LRRD1: variants seen among roughly 807,000 people sequenced by gnomAD.
The protein encoded by LRRD1 is leucine-rich repeat and death domain-containing protein 1.
LRRD1 carries 49 observed loss-of-function variants against 69.5 expected under a neutral mutation model. The ratio of observed to expected loss-of-function variants is 0.70; its 90% CI spans 0.56 to 0.89. The LOEUF is 0.89. LRRD1 is among the 40% of genes least tolerant of loss of function. The probability of loss-of-function intolerance (pLI) is 0.00; values close to 1 mark genes in which losing one functional copy is unlikely to be tolerated. For synonymous variants in LRRD1, 303 were observed against 338.9 expected, an observed-to-expected ratio of 0.89 and a Z score of 1.16; for missense variants, 853 against 956.0, an observed-to-expected ratio of 0.89 and a Z score of 1.42.
At chr7:92,169,070 C>T (rs1788989782) in intron 1 of LRRD1, among the ~76,000 whole-genome samples, 2 of 152,188 alleles carry the variant, frequency 1.3e-5, no homozygotes, top group South Asian at 4.1e-4. Context: ...AGGCATGCAC[C>T]ACCATATCTA....
At chr7:92,163,157 C>T in intron 2 of LRRD1, 129 bp downstream of exon 2, 1 of 532,404 alleles carries the variant, frequency 1.9e-6, no homozygotes, top group Non-Finnish European at 3.0e-6. Context: ...GGAGGGCTTT[C>T]ATTTAAAAAA....
intron 3 of LRRD1, among the ~76,000 whole-genome samples, chr7:92,158,630 GGTA>G (rs746924644): frequency 8.5e-4 from 130 of 152,100 alleles, no homozygotes; most frequent in Non-Finnish European, 1.3e-3. Context: ...AGTATTATAG[GGTA>G]TAGGAGAAGT....
chr7:92,158,912 C>G, intron 3 of LRRD1, 93 bp downstream of exon 3: 1 of 970,906 alleles, frequency 1.0e-6, no homozygotes, highest in African/African-American at 1.7e-5. Context: ...TATGTTGACT[C>G]TTTGCCATTC....
At chr7:92,143,515 C>A (rs947946760), downstream of LRRD1, among the ~76,000 whole-genome samples, 2 of 152,148 alleles carry the variant, frequency 1.3e-5, no homozygotes, top group South Asian at 4.1e-4. Flanking sequence ...CCCTGCCCCG[C>A]GGGAAGGCAG....
intron 1 of LRRD1, among the ~76,000 whole-genome samples, chr7:92,168,866 C>G (rs1210444898): frequency 6.6e-6 from 1 of 152,080 alleles, no homozygotes; most frequent in Non-Finnish European, 1.5e-5. Flanking sequence ...GTGGATGACC[C>G]CAACAAGATG....
At chr7:92,159,620 C>CTTT (rs1183950471) in intron 2 of LRRD1, among the ~76,000 whole-genome samples, 2 of 112,168 alleles carry the variant, frequency 1.8e-5, no homozygotes, top group Non-Finnish European at 3.7e-5. Context: ...ATCAACATTG[C>CTTT]TTTTTTTTTT....
chr7:92,163,323 A>G lies in LRRD1; in HGVS notation c.1880T>C (p.Leu627Pro), dbSNP rs1788827291. ...FPIELCQLQS[L>P]EQLNISQIKG... The stretch of plus-strand genomic sequence containing the variant: ...TATCTGACTTATATTCAGCTGTTCC[A>G]GTGATTGAAGTTGGCACAGTTCAAT... Residue 627 changes from leucine to proline, a missense_variant, in exon 2 of 6, where the codon CTG becomes CCG. By Grantham distance (98) the Leu-to-Pro change is moderately conservative. Coordinates refer to ENST00000458448, the MANE Select transcript of LRRD1 (RefSeq NM_001161528.2). The G allele has an allele frequency of 6.6e-7, 1 of 1,515,192 alleles. No individual in the cohort carries two copies. The highest frequency in any genetic ancestry group is 8.8e-7 in the Non-Finnish European group (1 of 1,133,826). The allele number at this position is 1,515,192 out of a possible 1,614,324, so 93.9% of individuals were successfully genotyped here. A position where few individuals can be genotyped will look rare whatever the true frequency, so the allele number is the denominator to read the frequency against.
chr7:92,163,525 C>T lies in LRRD1; in HGVS notation c.1678G>A (p.Val560Ile), dbSNP rs755680567. Residue 560 changes from valine to isoleucine, a missense_variant, in exon 2 of 6, where the codon GTA becomes ATA. Physicochemically the swap from Val to Ile is conservative, Grantham distance 29. This residue lies in a region of LRRD1 where 739 missense variants were observed against 808.0 expected (regional missense o/e 0.91). Coordinates refer to ENST00000458448, the MANE Select transcript of LRRD1 (RefSeq NM_001161528.2). ...ASISNMISLH[V>I]LILCCNKFET... ...AATTTATTACAGCATAAAATAAGTACGTGGAGTGATATCATATTAGAAATT... is the reference window on the plus strand; with the variant it reads ...AATTTATTACAGCATAAAATAAGTATGTGGAGTGATATCATATTAGAAATT... The T allele has an allele frequency of 6.3e-5, 96 of 1,528,390 alleles. No homozygotes were observed. The highest frequency in any genetic ancestry group is 7.3e-5 in the Non-Finnish European group (83 of 1,138,644). 94.7% of individuals were successfully genotyped at this position (1,528,390 alleles called of 1,614,324 possible).
At chr7:92,157,483 G>A (rs927260990) in intron 3 of LRRD1, among the ~76,000 whole-genome samples, 7 of 152,066 alleles carry the variant, frequency 4.6e-5, no homozygotes, top group Non-Finnish European at 1.0e-4. Flanking sequence ...AGAATGAACT[G>A]AGACATGTTG....
At chr7:92,165,510 A>T (rs546852794) in intron 1 of LRRD1, among the ~76,000 whole-genome samples, 4 of 152,192 alleles carry the variant, frequency 2.6e-5, no homozygotes, top group Non-Finnish European at 5.9e-5. Context: ...AAAAAAGTTC[A>T]AAGAAAATTA....
At chr7:92,175,426 T>A (rs1362280085) in intron 1 of LRRD1, among the ~76,000 whole-genome samples, 1 of 152,116 alleles carries the variant, frequency 6.6e-6, no homozygotes, top group Non-Finnish European at 1.5e-5. Context: ...GGCAGTTGGA[T>A]CACCCGAGGT....
chr7:92,161,949 G>C (rs1485930442), intron 2 of LRRD1, among the ~76,000 whole-genome samples: 1 of 152,088 alleles, frequency 6.6e-6, no homozygotes, highest in African/African-American at 2.4e-5. Context: ...AGGTGTGGTG[G>C]GAAAGGAGTT....
At chr7:92,174,966 G>A (rs748182338) in intron 1 of LRRD1, among the ~76,000 whole-genome samples, 1 of 151,958 alleles carries the variant, frequency 6.6e-6, no homozygotes, top group Non-Finnish European at 1.5e-5. Flanking sequence ...TACTTGGGAC[G>A]CTGAGGCAGA....
At chr7:92,146,289 GC>G (rs1257587923) in intron 4 of LRRD1, 89 bp from the exon 5 acceptor site, 1 of 670,694 alleles carries the variant, frequency 1.5e-6, no homozygotes, top group Non-Finnish European at 2.4e-6. Context: ...TTATTTCTGT[GC>G]TTCTATGAAA....
chr7:92,152,584 C>A (rs1820499959), intron 3 of LRRD1, among the ~76,000 whole-genome samples: 1 of 151,784 alleles, frequency 6.6e-6, no homozygotes, highest in Admixed American at 6.6e-5. Flanking sequence ...AGGGTTGTAC[C>A]ATTTTGTATT....
At chr7:92,172,539 C>T (rs954733119) in intron 1 of LRRD1, among the ~76,000 whole-genome samples, 1 of 149,344 alleles carries the variant, frequency 6.7e-6, no homozygotes, top group Non-Finnish European at 1.5e-5. Flanking sequence ...TTTATATATG[C>T]CAACAGTGAA....
chr7:92,168,775 T>C (rs1319549743), intron 1 of LRRD1, among the ~76,000 whole-genome samples: 2 of 152,122 alleles, frequency 1.3e-5, no homozygotes, highest in Non-Finnish European at 2.9e-5. Flanking sequence ...AACTAATCTT[T>C]CAATGTACAT....
rs768226307 is a variant in LRRD1, at chr7:92,144,914, G to T, written c.2557C>A (p.Leu853Ile). ...TAGAATTTAATTGCACGCGTAAAAA[G>T]ATTTAAAGCTGTTATTTTGTCCATA... ...EIMDKITALN[L>I]FTRAIKF The change falls in exon 6 of 6, where the codon CTT (leucine) becomes ATT (isoleucine). Residue 853 changes from leucine to isoleucine, a missense_variant. Physicochemically the swap from Leu to Ile is conservative, Grantham distance 5. This residue lies in a region of LRRD1 where 739 missense variants were observed against 808.0 expected (regional missense o/e 0.91). Transcript: ENST00000458448. The T allele has an allele frequency of 2.4e-5, 37 of 1,512,242 alleles. 1 individual carries two copies. The South Asian group carries it at 4.4e-4, about 18-fold the overall frequency. The allele number at this position is 1,512,242 out of a possible 1,614,324, so 93.7% of individuals were successfully genotyped here. A position where few individuals can be genotyped will look rare whatever the true frequency, so the allele number is the denominator to read the frequency against.
downstream of LRRD1, among the ~76,000 whole-genome samples, chr7:92,143,540 G>A (rs528906644): frequency 1.1e-3 from 164 of 152,330 alleles, no homozygotes; most frequent in African/African-American, 3.8e-3. Context: ...GGCCCGGCGA[G>A]AAATTGAGCA....
Sources: gnomAD v4.1 joint callset for allele counts (sites outside exome capture counted in the v4.1 genomes callset) on GRCh38, gnomAD v4.1.1 for gene constraint, gnomAD v4.1.1 regional missense constraint, MANE v1.5 for transcripts, NCBI Gene and HGNC (gene_info 2026-07-23, HGNC 2026-07-21) for gene names.